DCT: variants seen among roughly 807,000 people sequenced by gnomAD.
The protein encoded by DCT is dopachrome tautomerase.
In DCT, 47 loss-of-function variants were observed where a neutral mutation model predicts 53.0. The ratio of observed to expected loss-of-function variants is 0.89; its 90% confidence interval spans 0.70 to 1.13. The LOEUF (loss-of-function observed/expected upper bound fraction) is 1.13. Among genes scored for constraint, DCT ranks in the 50% most tolerant of loss-of-function variants. The pLI, the probability that DCT is intolerant of heterozygous loss-of-function variation, is 0.00. For synonymous variants in DCT, 244 were observed against 237.0 expected, an observed-to-expected ratio of 1.03 and a Z score of -0.27; for missense variants, 669 against 637.4, an observed-to-expected ratio of 1.05 and a Z score of -0.53.
the DCT span, among the ~76,000 whole-genome samples, chr13:94,546,516 G>A: frequency 1.3e-5 from 2 of 151,998 alleles, no homozygotes; most frequent in Admixed American, 6.6e-5. This position sits in a 1 kb window ranked among gnomAD's most constrained non-coding sequence, Gnocchi z 4.2. Context: ...CCAGGTGTGC[G>A]CCTCCATCCT....
chr13:94,499,641 G>A, the DCT span, among the ~76,000 whole-genome samples: 1 of 152,130 alleles, frequency 6.6e-6, no homozygotes, highest in African/African-American at 2.4e-5. Flanking sequence ...TAAGCAAAGT[G>A]CACCATCGGT....
At position 94,440,070 on chromosome 13, in the gene DCT, A is replaced by G. The variant is rs138244474; in HGVS notation, c.1388T>C (p.Val463Ala). Residue 463 changes from valine to alanine, a missense_variant, in exon 8 of 8, where the codon GTT becomes GCT. Coordinates refer to ENST00000377028, the MANE Select transcript of DCT (RefSeq NM_001922.5). ...TGTGGGCCAACCTGGAGTTTCTTCAACTGAAACTAAAGCAGAAGAGAAGGG... is the reference window on the plus strand; with the variant it reads ...TGTGGGCCAACCTGGAGTTTCTTCAGCTGAAACTAAAGCAGAAGAGAAGGG... ...YSYAIDLPVS[V>A]EETPGWPTTL... 16 of 1,612,932 alleles carry G rather than the reference A, an allele frequency of 9.9e-6. No individual in the cohort carries two copies. The highest frequency in any genetic ancestry group is 8.0e-5 in the African/African-American group (6 of 74,846).
rs928645835 is a variant in DCT, at chr13:94,452,757, G to A, written c.1179+7334C>T. 3.1e-5 allele frequency: 17 copies of A among 553,388 alleles called. No individual in the cohort carries two copies. The Admixed American group carries it at 6.3e-4, about 21-fold the overall frequency. The allele number at this position is 553,388 out of a possible 1,614,324, so 34.3% of individuals were successfully genotyped here. A position where few individuals can be genotyped will look rare whatever the true frequency, so the allele number is the denominator to read the frequency against. ...AATCCATGCAAAAGAATACTATACA[G>A]CTATAAAAAAAGAATAAGAATGCCC... On this transcript the variant is annotated intron_variant, in intron 6 of 7. Transcript: ENST00000377028.
At chr13:94,488,930 A>G in the DCT span, among the ~76,000 whole-genome samples, 2 of 152,074 alleles carry the variant, frequency 1.3e-5, no homozygotes, top group Admixed American at 6.6e-5. Context: ...GTATATAGCT[A>G]TGAACTCACT....
At chr13:94,457,959 G>A (rs1036972035) in intron 6 of DCT, among the ~76,000 whole-genome samples, 6 of 152,094 alleles carry the variant, frequency 3.9e-5, no homozygotes, top group Admixed American at 2.6e-4. Flanking sequence ...AAACGATTTC[G>A]TAGAACATCG....
chr13:94,539,364 C>T, the DCT span, among the ~76,000 whole-genome samples: 7 of 152,234 alleles, frequency 4.6e-5, no homozygotes, highest in South Asian at 6.2e-4. Flanking sequence ...ATTAAGGTGA[C>T]GCTAAAGGAA....
At chr13:94,477,255 C>A (rs1885149873) in intron 1 of DCT, among the ~76,000 whole-genome samples, 1 of 152,038 alleles carries the variant, frequency 6.6e-6, no homozygotes, top group South Asian at 2.1e-4. Flanking sequence ...GCCACCACAC[C>A]CAGATAATTT....
the DCT span, among the ~76,000 whole-genome samples, chr13:94,510,692 G>A: frequency 3.3e-5 from 5 of 152,154 alleles, no homozygotes; most frequent in Admixed American, 2.0e-4. Flanking sequence ...CTCCTGCTGA[G>A]TGGTGCCATC....
chr13:94,508,766 G>C, the DCT span, among the ~76,000 whole-genome samples: 3 of 152,176 alleles, frequency 2.0e-5, no homozygotes, highest in Admixed American at 6.5e-5. Context: ...TCATTATAAA[G>C]AAACACTTTC....
At chr13:94,486,784 C>T in the DCT span, among the ~76,000 whole-genome samples, 9 of 152,306 alleles carry the variant, frequency 5.9e-5, no homozygotes, top group Admixed American at 2.6e-4. Flanking sequence ...AACTGATTCA[C>T]GCAGTATCTA....
the DCT span, among the ~76,000 whole-genome samples, chr13:94,524,781 A>G: frequency 6.6e-6 from 1 of 152,076 alleles, no homozygotes; most frequent in African/African-American, 2.4e-5. Flanking sequence ...AAGTCCCAGT[A>G]CCTAAGAATG....
the DCT span, among the ~76,000 whole-genome samples, chr13:94,526,901 A>G: frequency 6.6e-6 from 1 of 151,974 alleles, no homozygotes; most frequent in African/African-American, 2.4e-5. Flanking sequence ...ACCTGGAGAA[A>G]CAGTACACTC....
chr13:94,483,657 A>G (rs916085608), upstream of DCT, among the ~76,000 whole-genome samples: 1 of 151,922 alleles, frequency 6.6e-6, no homozygotes, highest in Non-Finnish European at 1.5e-5. Context: ...ACCCACCACC[A>G]CATCTGGCTA....
the DCT span, among the ~76,000 whole-genome samples, chr13:94,496,380 G>C: frequency 6.6e-6 from 1 of 152,006 alleles, no homozygotes; most frequent in Non-Finnish European, 1.5e-5. Flanking sequence ...TTTTAGTAAA[G>C]ACAGGATTTC....
At chr13:94,445,544 G>C in intron 6 of DCT, 1 of 598,970 alleles carries the variant, frequency 1.7e-6, no homozygotes, top group East Asian at 2.8e-5. Flanking sequence ...AAAGATGCTA[G>C]GCTAGAACTG....
the DCT span, among the ~76,000 whole-genome samples, chr13:94,510,636 T>C: frequency 2.0e-4 from 31 of 152,382 alleles, no homozygotes; most frequent in African/African-American, 7.5e-4. Context: ...TTAAATTATA[T>C]ATGTGGCTTA....
chr13:94,516,265 G>C, the DCT span, among the ~76,000 whole-genome samples: 3 of 152,108 alleles, frequency 2.0e-5, no homozygotes, highest in Non-Finnish European at 2.9e-5. Flanking sequence ...GGGTAGGGAG[G>C]AAAACTTCTG....
chr13:94,496,894 C>T, the DCT span, among the ~76,000 whole-genome samples: 1 of 152,134 alleles, frequency 6.6e-6, no homozygotes, highest in Non-Finnish European at 1.5e-5. Context: ...AAGCTGCAGG[C>T]CTCAGTGCTC....
chr13:94,451,596 C>G (rs1332125026), intron 6 of DCT, among the ~76,000 whole-genome samples: 1 of 152,150 alleles, frequency 6.6e-6, no homozygotes, highest in Non-Finnish European at 1.5e-5. Flanking sequence ...TTACTATATA[C>G]AGATTTGTTC....
Sources: allele counts gnomAD v4.1 joint callset (sites outside exome capture counted in the v4.1 genomes callset), GRCh38; gene constraint gnomAD v4.1.1; non-coding constraint Gnocchi (gnomAD v3.1); transcripts MANE v1.5; gene names NCBI Gene and HGNC (gene_info 2026-07-23, HGNC 2026-07-21).